The following FAAH2 variants were observed in gnomAD, a reference collection of about 807,000 sequenced individuals.
The protein encoded by FAAH2 is fatty-acid amide hydrolase 2.
FAAH2 carries 60 observed loss-of-function variants against 36.9 expected under a neutral mutation model. The ratio of observed to expected loss-of-function variants is 1.63; its 90% CI spans 1.32 to 2.02. The LOEUF is 2.02. Ranked by LOEUF, FAAH2 falls within the 30% of genes most tolerant of loss-of-function variation. The pLI, the probability that FAAH2 is intolerant of heterozygous loss-of-function variation, is 0.00. For synonymous variants in FAAH2, 214 were observed against 143.8 expected, an observed-to-expected ratio of 1.49 and a Z score of -3.49; for missense variants, 689 against 397.5, an observed-to-expected ratio of 1.73 and a Z score of -6.23.
At chrX:57,143,179 C>T in the FAAH2 span, among the ~76,000 whole-genome samples, 1 of 110,620 alleles carries the variant, frequency 9.0e-6, no homozygotes, top group Non-Finnish European at 1.9e-5. Flanking sequence ...TTTCTAAGTC[C>T]TTTTTTTCTT....
intron 10 of FAAH2, among the ~76,000 whole-genome samples, chrX:57,453,616 G>A (rs1433247914): frequency 9.1e-6 from 1 of 110,102 alleles, no homozygotes; most frequent in Non-Finnish European, 1.9e-5. Context: ...CAGCAGGTCA[G>A]GCAACTGCAC....
chrX:57,145,969 T>A, the FAAH2 span, among the ~76,000 whole-genome samples: 3 of 111,198 alleles, frequency 2.7e-5, no homozygotes, highest in Non-Finnish European at 5.7e-5. Context: ...GGCCTTATAG[T>A]ATAGTTTGAA....
chrX:57,424,635 T>G (rs1384938391), intron 7 of FAAH2, among the ~76,000 whole-genome samples: 1 of 111,723 alleles, frequency 9.0e-6, no homozygotes, highest in African/African-American at 3.3e-5. Context: ...ACCAAGGAAT[T>G]CTTATAGAGT....
intron 1 of FAAH2, among the ~76,000 whole-genome samples, chrX:57,291,993 A>G: frequency 9.0e-6 from 1 of 111,144 alleles, no homozygotes; most frequent in Non-Finnish European, 1.9e-5. Flanking sequence ...TATATTAAAA[A>G]TTACTCTCTA....
At chrX:57,337,040 C>G (rs1043729253) in intron 4 of FAAH2, among the ~76,000 whole-genome samples, 12 of 109,604 alleles carry the variant, frequency 1.1e-4, no homozygotes, top group African/African-American at 4.0e-4. Flanking sequence ...ATTAAATAGA[C>G]AAAATCGGAA....
At position 57,292,679 on chromosome X, in the gene FAAH2, T is replaced by C. The variant is rs2052020786; in HGVS notation, c.275+99T>C. ...CATATTTCCTAGATTCTTCTTTCTC[T>C]TTGTCCTTCCCTTGTTCTCACTGGG... is the stretch of plus-strand genomic sequence containing the variant. On this transcript the variant is annotated intron_variant, in intron 2 of 10. Coordinates refer to ENST00000374900, the MANE Select transcript of FAAH2 (RefSeq NM_174912.4). 7 of 662,232 alleles carry C rather than the reference T, an allele frequency of 1.1e-5. No homozygotes were observed. In the South Asian group the frequency reaches 2.5e-4, roughly 23 times the overall value. The allele number at this position is 662,232 out of a possible 1,213,427, so 54.6% of individuals were successfully genotyped here.
rs775019452 is a variant in FAAH2 at position 57,398,716 on chromosome X, A to G, written c.996+17687A>G. ...GTGATAGATGATTGGCTATTTCTTTACCTCCTGTTTTAACCTAATTAGCAT... is the reference window on the plus strand; with the variant it reads ...GTGATAGATGATTGGCTATTTCTTTGCCTCCTGTTTTAACCTAATTAGCAT... On this transcript the variant is annotated intron_variant, in intron 7 of 10. Coordinates refer to ENST00000374900, the MANE Select transcript of FAAH2 (RefSeq NM_174912.4). Among the ~76,000 whole-genome samples, 9 of 110,137 alleles carry G rather than the reference A, an allele frequency of 8.2e-5. No individual in the cohort carries two copies. In the East Asian group the frequency reaches 2.3e-3, roughly 28 times the overall value.
the FAAH2 span, among the ~76,000 whole-genome samples, chrX:57,217,339 G>A: frequency 5.5e-5 from 6 of 109,492 alleles, no homozygotes; most frequent in African/African-American, 2.0e-4. Context: ...TGGGTTTTTG[G>A]TCATAAAATT....
At chrX:57,420,351 A>C (rs1447618476) in intron 7 of FAAH2, among the ~76,000 whole-genome samples, 5 of 111,834 alleles carry the variant, frequency 4.5e-5, no homozygotes, top group Non-Finnish European at 9.4e-5. Flanking sequence ...CCTACCCATG[A>C]GTATTGAATG....
At chrX:57,224,812 C>G in the FAAH2 span, among the ~76,000 whole-genome samples, 3 of 112,183 alleles carry the variant, frequency 2.7e-5, no homozygotes, top group Admixed American at 9.4e-5. Flanking sequence ...CACACTGCCT[C>G]GTGTTGTCTG....
intron 8 of FAAH2, among the ~76,000 whole-genome samples, chrX:57,445,456 C>T (rs1262378883): frequency 9.0e-6 from 1 of 111,415 alleles, no homozygotes; most frequent in Non-Finnish European, 1.9e-5. Context: ...TAAGCTAGCA[C>T]AGTACGGGGT....
At chrX:57,220,474 A>G in the FAAH2 span, among the ~76,000 whole-genome samples, 1 of 111,285 alleles carries the variant, frequency 9.0e-6, no homozygotes, top group Non-Finnish European at 1.9e-5. Flanking sequence ...CCTTCAGTTC[A>G]TCTCCTAATC....
At chrX:57,421,272 C>T (rs771172443) in intron 7 of FAAH2, among the ~76,000 whole-genome samples, 15 of 111,482 alleles carry the variant, frequency 1.3e-4, no homozygotes, top group East Asian at 2.8e-4. Flanking sequence ...GGTGATACCC[C>T]GTCTCTTCTA....
chrX:57,201,950 G>T, the FAAH2 span, among the ~76,000 whole-genome samples: 1 of 111,475 alleles, frequency 9.0e-6, no homozygotes, highest in Non-Finnish European at 1.9e-5. Context: ...TACATTTGAT[G>T]ATTGCATTTT....
At chrX:57,370,820 G>A (rs2054531777) in intron 5 of FAAH2, among the ~76,000 whole-genome samples, 1 of 111,705 alleles carries the variant, frequency 9.0e-6, no homozygotes, top group South Asian at 3.7e-4. Flanking sequence ...CTTCTTATGA[G>A]ACTCTAATGC....
the FAAH2 span, among the ~76,000 whole-genome samples, chrX:57,265,213 T>G: frequency 9.0e-6 from 1 of 111,498 alleles, no homozygotes; most frequent in Non-Finnish European, 1.9e-5. Flanking sequence ...TGCACGAGAC[T>G]CAGGAGCTTT....
intron 2 of FAAH2, among the ~76,000 whole-genome samples, chrX:57,309,343 T>C (rs1446964396): frequency 1.8e-5 from 2 of 112,419 alleles, no homozygotes; most frequent in African/African-American, 6.5e-5. Context: ...GATTTTCACA[T>C]GATTGAGGTT....
At chrX:57,413,738 T>C (rs2055761615) in intron 7 of FAAH2, among the ~76,000 whole-genome samples, 1 of 112,026 alleles carries the variant, frequency 8.9e-6, no homozygotes, top group South Asian at 3.7e-4. Flanking sequence ...ATTTTCTAAC[T>C]CTGTGAATAA....
chrX:57,404,704 G>T (rs1200552962), intron 7 of FAAH2, among the ~76,000 whole-genome samples: 2 of 111,756 alleles, frequency 1.8e-5, no homozygotes, highest in East Asian at 2.8e-4. Context: ...AAGGTCTGAA[G>T]CATTAGTATC....
Sources: gnomAD v4.1 joint callset for allele counts (sites outside exome capture counted in the v4.1 genomes callset) on GRCh38, gnomAD v4.1.1 for gene constraint, MANE v1.5 for transcripts, NCBI Gene and HGNC (gene_info 2026-07-23, HGNC 2026-07-21) for gene names.